Variants in ERG observed in about 807,000 individuals in gnomAD.
ERG encodes the protein transcriptional regulator ERG.
In ERG, 9 loss-of-function variants were observed where a neutral mutation model predicts 55.3. That is an observed-to-expected ratio of 0.16 (90% CI 0.10 to 0.28). The LOEUF is 0.28. ERG is among the 10% of genes least tolerant of loss of function. ERG has a pLI of 1.00. For missense variants in ERG, 434 were observed against 631.6 expected, an observed-to-expected ratio of 0.69 and a Z score of 3.35; for synonymous variants, 223 against 237.3, an observed-to-expected ratio of 0.94 and a Z score of 0.55.
intron 1 of ERG, among the ~76,000 whole-genome samples, chr21:38,488,333 G>A (rs35568883): frequency 0.16 from 24,593 of 152,162 alleles, 2,055 homozygotes; most frequent in East Asian, 0.19. Flanking sequence ...TGTGTACAGT[G>A]TGTAAACATC....
chr21:38,367,437 G>A, the ERG span, among the ~76,000 whole-genome samples: 1 of 152,134 alleles, frequency 6.6e-6, no homozygotes, highest in South Asian at 2.1e-4. Context: ...GCTTGACTGG[G>A]GCTGGAGAAT....
chr21:38,577,721 C>T (rs2060003367), intron 1 of ERG, among the ~76,000 whole-genome samples: 1 of 152,224 alleles, frequency 6.6e-6, no homozygotes, highest in Non-Finnish European at 1.5e-5. Context: ...AGGGGAGCGT[C>T]TGCAAGCCAT....
chr21:38,553,575 A>T (rs926640286), intron 2 of ERG, among the ~76,000 whole-genome samples: 4 of 152,208 alleles, frequency 2.6e-5, no homozygotes, highest in Non-Finnish European at 4.4e-5. Context: ...CAAAACAAGC[A>T]ATGTGGAAAG....
At chr21:38,462,350 A>G (rs2059051260) in intron 1 of ERG, among the ~76,000 whole-genome samples, 1 of 146,274 alleles carries the variant, frequency 6.8e-6, no homozygotes, top group Non-Finnish European at 1.5e-5. Flanking sequence ...GTTTCTACCA[A>G]TAGATATAAT....
rs1373543213 is a variant in ERG, at chr21:38,579,895, A to C, written c.-126-4148T>G. Among the ~76,000 whole-genome samples the C allele has an allele frequency of 2.0e-5, 3 of 150,148 alleles. No homozygotes were observed. In the East Asian group the frequency reaches 5.9e-4, roughly 29 times the overall value. Reference sequence around the variant, plus strand: ...GAGTGCAGTGGTACGATCTCGGCTCACTGCAACCTCTGCCTCCCGGGTTCA... The same window carrying C: ...GAGTGCAGTGGTACGATCTCGGCTCCCTGCAACCTCTGCCTCCCGGGTTCA... On this transcript the variant is annotated intron_variant, in intron 1 of 8. Coordinates refer to the ERG transcript ENST00000398897.
At chr21:38,441,902 C>T (rs2058844672) in intron 2 of ERG, among the ~76,000 whole-genome samples, 1 of 152,210 alleles carries the variant, frequency 6.6e-6, no homozygotes, top group African/African-American at 2.4e-5. Context: ...CAGCACCTGC[C>T]AAACCGACAT....
Position 38,572,650 on chromosome 21 carries a change from G to A in ERG, c.-41+3012C>T, listed in dbSNP as rs573221861. Among the ~76,000 whole-genome samples the A allele has an allele frequency of 1.8e-4, 28 of 152,166 alleles. No individual in the cohort carries two copies. In the South Asian group the frequency reaches 5.2e-3, roughly 28 times the overall value. ...AATATCTTTAACACAATTCTACCTCGCAGCCAACATCAGCTATTAGCAACC... is the reference window on the plus strand; with the variant it reads ...AATATCTTTAACACAATTCTACCTCACAGCCAACATCAGCTATTAGCAACC... On this transcript the variant is annotated intron_variant, in intron 2 of 8. Coordinates refer to the ERG transcript ENST00000398897.
intron 1 of ERG, among the ~76,000 whole-genome samples, chr21:38,475,973 A>G (rs1466217457): frequency 2.6e-5 from 4 of 152,234 alleles, no homozygotes; most frequent in African/African-American, 9.6e-5. Flanking sequence ...TTTTGAGACA[A>G]ACTAAAGAAA....
intron 2 of ERG, among the ~76,000 whole-genome samples, chr21:38,437,744 G>C (rs1183979583): frequency 6.6e-6 from 1 of 152,042 alleles, no homozygotes; most frequent in Non-Finnish European, 1.5e-5. Flanking sequence ...CATCAGCAAA[G>C]CACGTTAATT....
chr21:38,627,267 C>T (rs1426521793), intron 1 of ERG, among the ~76,000 whole-genome samples: 1 of 151,990 alleles, frequency 6.6e-6, no homozygotes, highest in Non-Finnish European at 1.5e-5. Context: ...CATAAAATTG[C>T]CAAGACATTA....
intron 2 of ERG, among the ~76,000 whole-genome samples, chr21:38,572,949 A>C (rs1307926534): frequency 6.6e-6 from 1 of 152,246 alleles, no homozygotes; most frequent in Non-Finnish European, 1.5e-5. Context: ...CCTGTACTTT[A>C]AACAATTGCT....
chr21:38,465,283 C>A (rs1004738251), intron 1 of ERG, among the ~76,000 whole-genome samples: 7 of 152,080 alleles, frequency 4.6e-5, no homozygotes, highest in Admixed American at 2.6e-4. Flanking sequence ...AATTAAGCAT[C>A]CCAAGAGAAA....
At chr21:38,480,816 G>C (rs1461683996) in intron 1 of ERG, among the ~76,000 whole-genome samples, 1 of 152,048 alleles carries the variant, frequency 6.6e-6, no homozygotes, top group Non-Finnish European at 1.5e-5. Context: ...TGGAGGAAAA[G>C]TGTCTAGTTC....
At chr21:38,539,131 T>A (rs756948518) in intron 2 of ERG, among the ~76,000 whole-genome samples, 5 of 152,232 alleles carry the variant, frequency 3.3e-5, no homozygotes, top group Non-Finnish European at 7.3e-5. Context: ...ATGCATAATG[T>A]GATGTTTATC....
rs1555903684 is a variant in ERG, at chr21:38,466,300, G to GGTGTGTGGGTGTGT, written c.19-20680_19-20679insACACACCCACACAC. Among the ~76,000 whole-genome samples the GGTGTGTGGGTGTGT allele has an allele frequency of 2.1e-3, 292 of 140,678 alleles. 8 individuals are homozygous for GGTGTGTGGGTGTGT. The East Asian group carries it at 0.051, about 25-fold the overall frequency. The allele number at this position is 140,678 out of a possible 152,430, so 92.3% of individuals were successfully genotyped here. Reference sequence around the variant, plus strand: ...CAGTTTAGGCTGTCTGATGGTCTGGGGTGTGTGTGTGTGTGTGTGTGTGTG... The same window carrying GGTGTGTGGGTGTGT: ...CAGTTTAGGCTGTCTGATGGTCTGGGGTGTGTGGGTGTGTGTGTGTGTGTGTGTGTGTGTGTGTG... On this transcript the variant is annotated intron_variant, in intron 1 of 9. Transcript: ENST00000288319.
chr21:38,636,110 C>T (rs2146963666), intron 1 of ERG, among the ~76,000 whole-genome samples: 1 of 151,976 alleles, frequency 6.6e-6, no homozygotes, highest in South Asian at 2.1e-4. Context: ...ATGATTTTAT[C>T]TGGGGCTTTT....
At chr21:38,525,087 T>C (rs1210840656) in intron 2 of ERG, among the ~76,000 whole-genome samples, 2 of 152,188 alleles carry the variant, frequency 1.3e-5, no homozygotes, top group Admixed American at 1.3e-4. Context: ...ATTAAGATCA[T>C]TTGTGACTAC....
intron 2 of ERG, among the ~76,000 whole-genome samples, 166 bp from the exon 3 acceptor site, chr21:38,423,727 C>G (rs547261120): frequency 9.2e-5 from 14 of 152,236 alleles, no homozygotes; most frequent in Non-Finnish European, 1.6e-4. Flanking sequence ...GTGGCTCATG[C>G]CTGTAGTCCC....
At chr21:38,464,704 A>C (rs1280387170) in intron 1 of ERG, among the ~76,000 whole-genome samples, 3 of 151,830 alleles carry the variant, frequency 2.0e-5, no homozygotes, top group African/African-American at 4.8e-5. Flanking sequence ...TCCTAATGCT[A>C]TCCCTCACCT....
Sources: gnomAD v4.1 joint callset for allele counts (sites outside exome capture counted in the v4.1 genomes callset) on GRCh38, gnomAD v4.1.1 for gene constraint, MANE v1.5 for transcripts, NCBI Gene and HGNC (gene_info 2026-07-23, HGNC 2026-07-21) for gene names.